The following ANKRD10 variants were observed in gnomAD, a reference collection of about 807,000 sequenced individuals.
The protein encoded by ANKRD10 is ankyrin repeat domain 10, also known as ankyrin repeat domain-containing protein 10.
Under a neutral mutation model 27.0 loss-of-function variants are expected in ANKRD10, and 14 were observed. The observed-to-expected ratio is 0.52, with a 90% confidence interval of 0.34 to 0.81. The LOEUF is 0.81. Ranked by LOEUF, ANKRD10 falls within the 40% of genes least tolerant of loss-of-function variation. The pLI, the probability that ANKRD10 is intolerant of heterozygous loss-of-function variation, is 0.01. For missense variants in ANKRD10, 493 were observed against 544.0 expected (o/e 0.91, Z 0.93); for synonymous variants, 250 against 224.5 (o/e 1.11, Z -1.01).
At chr13:110,883,884 T>C (rs2064865380) in intron 4 of ANKRD10, 91 bp from the exon 5 acceptor site, 1 of 1,448,980 alleles carries the variant, frequency 6.9e-7, no homozygotes, top group Non-Finnish European at 9.3e-7. Flanking sequence ...GTGTGAGCAC[T>C]GAACACTTTA....
chr13:110,903,538 AC>A (rs2065443742), intron 3 of ANKRD10: 1 of 154,684 alleles, frequency 6.5e-6, no homozygotes, highest in Admixed American at 6.5e-5. Context: ...TACAGATGCA[AC>A]CTACATTAAC....
chr13:110,885,265 A>C (rs2064898076), intron 4 of ANKRD10, among the ~76,000 whole-genome samples: 1 of 152,180 alleles, frequency 6.6e-6, no homozygotes, highest in African/African-American at 2.4e-5. Flanking sequence ...GAGAGAAAAA[A>C]AAAAGGGCTG....
intron 4 of ANKRD10, 88 bp from the exon 5 acceptor site, chr13:110,883,881 C>A: frequency 5.5e-5 from 70 of 1,261,284 alleles, no homozygotes; most frequent in East Asian, 1.2e-4. Context: ...TTTGTGTGAG[C>A]ACTGAACACT....
chr13:110,887,806 GA>G (rs2064972160), intron 4 of ANKRD10, among the ~76,000 whole-genome samples: 1 of 152,180 alleles, frequency 6.6e-6, no homozygotes, highest in Admixed American at 6.5e-5. Flanking sequence ...TAACCCTTGA[GA>G]GGTGGCCAAA....
chr13:110,906,560 G>A (rs2065542932), intron 2 of ANKRD10, among the ~76,000 whole-genome samples: 1 of 152,074 alleles, frequency 6.6e-6, no homozygotes, highest in South Asian at 2.1e-4. Flanking sequence ...TTTCCTCTGT[G>A]CCTACCCCAA....
intron 3 of ANKRD10, among the ~76,000 whole-genome samples, chr13:110,895,501 C>T (rs192422853): frequency 6.6e-6 from 1 of 152,052 alleles, no homozygotes; most frequent in Non-Finnish European, 1.5e-5. Context: ...GCAGGAGAAT[C>T]GCTTGAACCT....
chr13:110,893,991 A>G, intron 3 of ANKRD10: 8 of 691,276 alleles, frequency 1.2e-5, no homozygotes, highest in Non-Finnish European at 1.9e-5. Context: ...CCTGGCTAAT[A>G]GTACTAAAAA....
At position 110,906,108 on chromosome 13, in the gene ANKRD10, G is replaced by A; in HGVS notation, c.380C>T (p.Thr127Ile). 6.2e-7 allele frequency: 1 copy of A among 1,600,964 alleles called. No homozygotes were observed. The highest frequency in any genetic ancestry group is 8.5e-7 in the Non-Finnish European group (1 of 1,173,124). The change falls in exon 3 of 6, where the codon ACT becomes ATT. Residue 127 changes from threonine (T) to isoleucine (I), a missense_variant. Thr to Ile is a moderately conservative substitution (Grantham distance 89). Coordinates refer to ENST00000267339, the MANE Select transcript of ANKRD10 (RefSeq NM_017664.4). Reference sequence around the variant, plus strand: ...AGAGCGAGCTGCCTTGTGAATGGGAGTTTCACCCTCACAATCCTGAAACAA... The same window carrying A: ...AGAGCGAGCTGCCTTGTGAATGGGAATTTCACCCTCACAATCCTGAAACAA... ...NINKPDCEGETPIHKAARSGS... is the reference protein window; with the variant it reads ...NINKPDCEGEIPIHKAARSGS...
intron 3 of ANKRD10, among the ~76,000 whole-genome samples, chr13:110,898,245 T>G (rs987609053): frequency 2.0e-5 from 3 of 152,234 alleles, no homozygotes; most frequent in African/African-American, 4.8e-5. Flanking sequence ...ACTTCAAAGT[T>G]TGAGTTCCTC....
At chr13:110,902,392 A>G (rs912866183) in intron 3 of ANKRD10, among the ~76,000 whole-genome samples, 1 of 152,200 alleles carries the variant, frequency 6.6e-6, no homozygotes, top group Admixed American at 6.5e-5. Flanking sequence ...TAAATGGTCA[A>G]TTATGATCCA....
At chr13:110,905,918 A>G (rs923678356) in intron 3 of ANKRD10, 115 bp downstream of exon 3, 5 of 975,010 alleles carry the variant, frequency 5.1e-6, no homozygotes, top group Non-Finnish European at 3.0e-6. Context: ...AGGCAAAATT[A>G]CATTACTAAT....
intron 4 of ANKRD10, among the ~76,000 whole-genome samples, chr13:110,891,642 T>G (rs927091806): frequency 1.3e-5 from 2 of 152,192 alleles, no homozygotes; most frequent in East Asian, 3.9e-4. Context: ...TGTTGGTTCA[T>G]GAAATTTAAC....
chr13:110,889,063 C>G (rs771348388), intron 4 of ANKRD10, among the ~76,000 whole-genome samples: 1 of 152,158 alleles, frequency 6.6e-6, no homozygotes, highest in Non-Finnish European at 1.5e-5. Context: ...AGTTTTCACT[C>G]ATGGAAGGGA....
chr13:110,897,295 T>C (rs1161842626), intron 3 of ANKRD10, among the ~76,000 whole-genome samples: 1 of 212 alleles, frequency 4.7e-3, no homozygotes, highest in Non-Finnish European at 0.031. Context: ...GCCTGGCTAC[T>C]TTTTTTTTTT....
intron 3 of ANKRD10, among the ~76,000 whole-genome samples, chr13:110,897,687 T>C (rs549169894): frequency 1.3e-5 from 2 of 152,292 alleles, no homozygotes; most frequent in African/African-American, 4.8e-5. Context: ...TGTCTCCATA[T>C]ATGGATTTTC....
intron 4 of ANKRD10, among the ~76,000 whole-genome samples, chr13:110,891,819 T>A (rs562904647): frequency 6.6e-6 from 1 of 150,766 alleles, no homozygotes; most frequent in African/African-American, 2.4e-5. Context: ...CCTCTCCCCC[T>A]AAGTTCACTA....
At chr13:110,908,329 A>ATAT (rs1322224938) in intron 2 of ANKRD10, among the ~76,000 whole-genome samples, 1 of 152,240 alleles carries the variant, frequency 6.6e-6, no homozygotes, top group Non-Finnish European at 1.5e-5. Flanking sequence ...AGGCTAGTCA[A>ATAT]TATAGATTCA....
chr13:110,892,416 C>CAAA (rs71127979), intron 4 of ANKRD10, among the ~76,000 whole-genome samples: 268 of 19,550 alleles, frequency 0.014, 51 homozygotes, highest in African/African-American at 0.034. Flanking sequence ...GGTGACAGAG[C>CAAA]AAAAAAAAAA....
At chr13:110,904,569 T>G (rs2065474521) in intron 3 of ANKRD10, among the ~76,000 whole-genome samples, 2 of 152,224 alleles carry the variant, frequency 1.3e-5, no homozygotes, top group African/African-American at 4.8e-5. Context: ...GACAAGCAAT[T>G]TAATCATGTT....
Sources: allele counts gnomAD v4.1 joint callset (sites outside exome capture counted in the v4.1 genomes callset), GRCh38; gene constraint gnomAD v4.1.1; transcripts MANE v1.5; gene names NCBI Gene and HGNC (gene_info 2026-07-23, HGNC 2026-07-21).